Variants in PRIM2 observed in about 807,000 individuals in gnomAD.
The protein encoded by PRIM2 is DNA primase large subunit.
PRIM2 carries 39 observed loss-of-function variants against 67.3 expected under a neutral mutation model. That is an observed-to-expected ratio of 0.58 (90% confidence interval 0.45 to 0.76). PRIM2 has a LOEUF of 0.76. PRIM2 is among the 30% of genes least tolerant of loss of function. The probability of loss-of-function intolerance (pLI) is 0.00; values close to 1 mark genes in which losing one functional copy is unlikely to be tolerated. For missense variants in PRIM2, 398 were observed against 598.7 expected (o/e 0.66, Z 3.50); for synonymous variants, 143 against 198.7 (o/e 0.72, Z 2.36).
chr6:57,318,796 G>A (rs568342933), intron 2 of PRIM2, among the ~76,000 whole-genome samples, 197 bp downstream of exon 2: 1 of 152,030 alleles, frequency 6.6e-6, no homozygotes, highest in Admixed American at 6.6e-5. Context: ...TTTATTTATT[G>A]TACAATGCAT....
At chr6:57,441,650 C>T (rs1183823529) in intron 7 of PRIM2, among the ~76,000 whole-genome samples, 1 of 152,114 alleles carries the variant, frequency 6.6e-6, no homozygotes, top group Non-Finnish European at 1.5e-5. Context: ...ATTATGACTG[C>T]CTCAAAGAAC....
At chr6:57,410,994 T>C (rs112413494) in intron 7 of PRIM2, among the ~76,000 whole-genome samples, 13,259 of 152,050 alleles carry the variant, frequency 0.087, 589 homozygotes, top group South Asian at 0.11. Flanking sequence ...TGTTGAAATA[T>C]AATCCCCAAA....
chr6:57,453,225 C>T (rs758685405), intron 7 of PRIM2, among the ~76,000 whole-genome samples: 3 of 152,308 alleles, frequency 2.0e-5, no homozygotes, highest in Admixed American at 1.3e-4. Flanking sequence ...AGCATGATGC[C>T]TCCAGCTTTG....
At chr6:57,383,362 G>C (rs1002131878) in intron 7 of PRIM2, 4 of 152,086 alleles carry the variant, frequency 2.6e-5, no homozygotes, top group Admixed American at 2.6e-4. Context: ...AGTTTTAGCT[G>C]TCATCTATTA....
chr6:57,310,305 C>T (rs12192909), upstream of PRIM2, among the ~76,000 whole-genome samples: 41,041 of 152,106 alleles, frequency 0.27, 6,169 homozygotes, highest in South Asian at 0.42. Context: ...CATCTTGCAC[C>T]GCCCTTAATC....
chr6:57,600,998 A>G lies in PRIM2; in HGVS notation c.1021-95A>G. 4.2e-6 allele frequency: 5 copies of G among 1,186,804 alleles called. No individual in the cohort carries two copies. The East Asian group carries it at 1.4e-4, about 33-fold the overall frequency. 73.5% of individuals were successfully genotyped at this position (1,186,804 alleles called of 1,614,324 possible). A position where few individuals can be genotyped will look rare whatever the true frequency, so the allele number is the denominator to read the frequency against. ...GAATGCTGAGTTTATTCTAGAAAAT[A>G]TCGCTTTGCACTCTTTGATTCTAGC... is the stretch of plus-strand genomic sequence containing the variant. On this transcript the variant is annotated intron_variant, in intron 10 of 13. Coordinates refer to ENST00000615550, the MANE Select transcript of PRIM2 (RefSeq NM_000947.5).
At chr6:57,586,758 G>T (rs1776195623) in intron 10 of PRIM2, among the ~76,000 whole-genome samples, 1 of 152,172 alleles carries the variant, frequency 6.6e-6, no homozygotes, top group African/African-American at 2.4e-5. Flanking sequence ...GCCCAGGCTT[G>T]CCAAAGGCTC....
At position 57,405,530 on chromosome 6, in the gene PRIM2, T is replaced by C. The variant is rs1262822092; in HGVS notation, c.693+23362T>C. On this transcript the variant is annotated intron_variant, in intron 7 of 13. Coordinates refer to ENST00000615550, the MANE Select transcript of PRIM2 (RefSeq NM_000947.5). ...AAATACTGTATTAATTAAACTAACT[T>C]TCTCATAGTAATAGGATTGGCCACA... is the stretch of plus-strand genomic sequence containing the variant. Among the ~76,000 whole-genome samples the C allele has an allele frequency of 2.9e-5, 4 of 137,898 alleles. No individual in the cohort carries two copies. The South Asian group carries it at 7.8e-4, about 27-fold the overall frequency. The allele number at this position is 137,898 out of a possible 152,430, so 90.5% of individuals were successfully genotyped here.
chr6:57,320,989 G>T (rs1767635957), intron 3 of PRIM2, among the ~76,000 whole-genome samples: 2 of 152,202 alleles, frequency 1.3e-5, no homozygotes, highest in Middle Eastern at 3.2e-3. Context: ...CTTTCCAGAA[G>T]AGGTAGTAGT....
chr6:57,301,150 G>A, the PRIM2 span, among the ~76,000 whole-genome samples: 61,380 of 151,962 alleles, frequency 0.4, 13,361 homozygotes, highest in South Asian at 0.55. Context: ...TGAAACCCAG[G>A]TTGGCCCTGA....
intron 7 of PRIM2, among the ~76,000 whole-genome samples, chr6:57,401,570 C>T (rs1770709372): frequency 2.0e-5 from 3 of 152,298 alleles, no homozygotes; most frequent in African/African-American, 7.2e-5. Flanking sequence ...TGCAGCTTGG[C>T]ACTCCTGGGC....
chr6:57,469,358 A>C (rs1255990630), intron 7 of PRIM2, among the ~76,000 whole-genome samples: 1 of 152,244 alleles, frequency 6.6e-6, no homozygotes, highest in Non-Finnish European at 1.5e-5. Flanking sequence ...TAGCACCCTC[A>C]GTATAAAAAC....
intron 7 of PRIM2, among the ~76,000 whole-genome samples, chr6:57,455,189 G>C (rs928885005): frequency 6.6e-6 from 1 of 152,144 alleles, no homozygotes; most frequent in Non-Finnish European, 1.5e-5. Context: ...ATTTGCTGAG[G>C]AGTGCTTTAC....
chr6:57,275,775 A>G, the PRIM2 span, among the ~76,000 whole-genome samples: 1,196 of 152,228 alleles, frequency 7.9e-3, 14 homozygotes, highest in African/African-American at 0.028. Flanking sequence ...GCTCTGTTGG[A>G]GTCCTCATGA....
intron 8 of PRIM2, among the ~76,000 whole-genome samples, chr6:57,513,825 G>C (rs1483402419): frequency 1.6e-4 from 25 of 152,156 alleles, no homozygotes; most frequent in Non-Finnish European, 3.4e-4. Flanking sequence ...AGTGAGCCAG[G>C]ATCATGCCAC....
chr6:57,262,653 G>A, the PRIM2 span, among the ~76,000 whole-genome samples: 2 of 152,138 alleles, frequency 1.3e-5, no homozygotes, highest in Non-Finnish European at 2.9e-5. Context: ...TCCTTGGGAA[G>A]CCTCCATTTG....
At chr6:57,325,802 C>T (rs974626154) in intron 4 of PRIM2, 123 bp from the exon 5 acceptor site, 8 of 910,424 alleles carry the variant, frequency 8.8e-6, no homozygotes, top group Non-Finnish European at 1.3e-5. Context: ...AGAGGACTTG[C>T]ATGTTTTTAA....
At chr6:57,470,776 T>C (rs1463593964) in intron 7 of PRIM2, among the ~76,000 whole-genome samples, 3 of 152,068 alleles carry the variant, frequency 2.0e-5, no homozygotes, top group African/African-American at 7.2e-5. Flanking sequence ...CATCTTGTAT[T>C]TTCATTTTTA....
At chr6:57,460,091 G>A (rs1232806348) in intron 7 of PRIM2, among the ~76,000 whole-genome samples, 11 of 152,020 alleles carry the variant, frequency 7.2e-5, no homozygotes, top group Non-Finnish European at 1.2e-4. Flanking sequence ...TTGTATGGTG[G>A]GGGCAGGAGC....
Sources: gnomAD v4.1 joint callset for allele counts (sites outside exome capture counted in the v4.1 genomes callset) on GRCh38, gnomAD v4.1.1 for gene constraint, MANE v1.5 for transcripts, NCBI Gene and HGNC (gene_info 2026-07-23, HGNC 2026-07-21) for gene names.